Variants in CEP128 observed in about 807,000 individuals in gnomAD.
The protein encoded by CEP128 is centrosomal protein 128.
In CEP128, 132 loss-of-function variants were observed where a neutral mutation model predicts 156.7. That is an observed-to-expected ratio of 0.84 (90% confidence interval 0.73 to 0.97). CEP128 has a LOEUF of 0.97. CEP128 is among the 50% of genes least tolerant of loss of function. The probability of loss-of-function intolerance (pLI) is 0.00; values close to 1 mark genes in which losing one functional copy is unlikely to be tolerated. For missense variants in CEP128, 1,252 were observed against 1,281.9 expected, an observed-to-expected ratio of 0.98 and a Z score of 0.36; for synonymous variants, 469 against 448.9, an observed-to-expected ratio of 1.04 and a Z score of -0.57.
intron 19 of CEP128, among the ~76,000 whole-genome samples, chr14:80,615,102 A>G (rs939923543): frequency 3.9e-5 from 6 of 152,236 alleles, no homozygotes; most frequent in African/African-American, 1.4e-4. Flanking sequence ...TATGTTAATC[A>G]TTGCAAGAAA....
At chr14:80,543,167 C>A (rs1388198621) in intron 21 of CEP128, among the ~76,000 whole-genome samples, 1 of 152,158 alleles carries the variant, frequency 6.6e-6, no homozygotes, top group African/African-American at 2.4e-5. Flanking sequence ...TAAGTGAGAT[C>A]AACTATGCCT....
intron 19 of CEP128, among the ~76,000 whole-genome samples, chr14:80,639,058 A>G (rs888826625): frequency 1.3e-5 from 2 of 152,212 alleles, no homozygotes; most frequent in African/African-American, 4.8e-5. Flanking sequence ...GCTTAATACA[A>G]TGTTAAGCAA....
At chr14:80,781,981 C>T (rs1901146537) in intron 15 of CEP128, among the ~76,000 whole-genome samples, 1 of 152,206 alleles carries the variant, frequency 6.6e-6, no homozygotes, top group African/African-American at 2.4e-5. Context: ...GTTTCAACAA[C>T]ACTCTCAAGA....
At chr14:80,873,170 T>C (rs1888111815) in intron 8 of CEP128, among the ~76,000 whole-genome samples, 1 of 152,218 alleles carries the variant, frequency 6.6e-6, no homozygotes, top group Admixed American at 6.5e-5. Flanking sequence ...AGGGGATAGC[T>C]GGGTAAACTA....
chr14:80,870,229 A>G (rs954282593), intron 8 of CEP128, among the ~76,000 whole-genome samples: 1 of 152,106 alleles, frequency 6.6e-6, no homozygotes, highest in African/African-American at 2.4e-5. Context: ...AGATAAGAGA[A>G]CATGTCCAAC....
chr14:80,874,770 G>T (rs907822553), intron 8 of CEP128, among the ~76,000 whole-genome samples: 1 of 152,056 alleles, frequency 6.6e-6, no homozygotes, highest in East Asian at 1.9e-4. Flanking sequence ...GGCGCCCACC[G>T]CCATGCCTGG....
chr14:80,670,821 T>C (rs1895810150), intron 19 of CEP128, among the ~76,000 whole-genome samples: 1 of 152,088 alleles, frequency 6.6e-6, no homozygotes, highest in African/African-American at 2.4e-5. Context: ...TAAAAATAAA[T>C]GTTGAATCTA....
At chr14:80,897,632 C>G (rs1473393459) in intron 7 of CEP128, among the ~76,000 whole-genome samples, 2 of 152,102 alleles carry the variant, frequency 1.3e-5, no homozygotes, top group Non-Finnish European at 2.9e-5. Context: ...CTCCCTCACC[C>G]ACCATTACCA....
At chr14:80,642,760 CTTT>C (rs879745503) in intron 19 of CEP128, among the ~76,000 whole-genome samples, 1 of 145,286 alleles carries the variant, frequency 6.9e-6, no homozygotes. Context: ...ACTTGACCCC[CTTT>C]TTTTTTTTTT....
At chr14:80,888,608 C>G (rs1305835451) in intron 8 of CEP128, among the ~76,000 whole-genome samples, 1 of 152,114 alleles carries the variant, frequency 6.6e-6, no homozygotes, top group Non-Finnish European at 1.5e-5. Flanking sequence ...ACTCAAGAAA[C>G]TAGGTATTGA....
intron 19 of CEP128, among the ~76,000 whole-genome samples, chr14:80,737,522 C>T (rs1898598604): frequency 7.1e-6 from 1 of 140,520 alleles, no homozygotes; most frequent in African/African-American, 2.7e-5. Context: ...ATTAAAATCA[C>T]TTATTTTAAT....
chr14:80,785,438 C>T lies in CEP128; in HGVS notation c.1668G>A (p.Gln556=). 1.2e-6 allele frequency: 2 copies of T among 1,614,034 alleles called. No homozygotes were observed. Among genetic ancestry groups the T allele is most frequent in the South Asian group, 1.1e-5 (1 of 91,076 alleles). ...CCTCCTTGGAGTGAAGCTCCTCCTC[C>T]TGAAGGGCACGCTTTGTTAGGACAT... is the stretch of plus-strand genomic sequence containing the variant. ...LNDVLTKRAL[Q]EEELHSKEEK... is the part of the protein sequence containing the mutation. Residue 556 remains glutamine, a synonymous_variant, in exon 15 of 25, where the codon CAG becomes CAA. Coordinates refer to ENST00000555265, the MANE Select transcript of CEP128 (RefSeq NM_152446.5).
intron 13 of CEP128, among the ~76,000 whole-genome samples, chr14:80,797,043 G>C (rs1883530575): frequency 6.6e-6 from 1 of 152,256 alleles, no homozygotes; most frequent in East Asian, 1.9e-4. Flanking sequence ...ATGTCTAAAA[G>C]ATAACAAACA....
At chr14:80,682,509 C>T (rs938228844) in intron 19 of CEP128, among the ~76,000 whole-genome samples, 7 of 152,154 alleles carry the variant, frequency 4.6e-5, no homozygotes, top group African/African-American at 1.4e-4. Context: ...AAGTAAATAA[C>T]CTGAGAAACG....
intron 13 of CEP128, among the ~76,000 whole-genome samples, chr14:80,815,920 A>G (rs1884826507): frequency 6.6e-6 from 1 of 152,052 alleles, no homozygotes; most frequent in South Asian, 2.1e-4. Flanking sequence ...GATACTGGAG[A>G]CCCACGTGGA....
At chr14:80,794,840 C>G (rs1883369843) in intron 13 of CEP128, among the ~76,000 whole-genome samples, 1 of 151,742 alleles carries the variant, frequency 6.6e-6, no homozygotes, top group African/African-American at 2.4e-5. Context: ...TGTAGAGAGT[C>G]TCCCATAGGA....
At chr14:80,801,791 C>G (rs945715253) in intron 13 of CEP128, among the ~76,000 whole-genome samples, 5 of 151,196 alleles carry the variant, frequency 3.3e-5, no homozygotes, top group African/African-American at 4.9e-5. Context: ...GCCTGTAGTC[C>G]CAGCTACTTG....
chr14:80,811,805 G>A (rs1040504157), intron 13 of CEP128, among the ~76,000 whole-genome samples: 1 of 142,418 alleles, frequency 7.0e-6, no homozygotes, highest in African/African-American at 2.6e-5. Context: ...GTGTGTGTGT[G>A]CACACGCATG....
At chr14:80,661,682 CT>C (rs1211156782) in intron 19 of CEP128, among the ~76,000 whole-genome samples, 4 of 152,116 alleles carry the variant, frequency 2.6e-5, no homozygotes. Flanking sequence ...TAATTCTTAT[CT>C]TTTCATTAAA....
Sources: gnomAD v4.1 joint callset for allele counts (sites outside exome capture counted in the v4.1 genomes callset) on GRCh38, gnomAD v4.1.1 for gene constraint, MANE v1.5 for transcripts, NCBI Gene and HGNC (gene_info 2026-07-23, HGNC 2026-07-21) for gene names.